Variants in CADPS observed in about 807,000 individuals in gnomAD.
CADPS encodes the protein calcium-dependent secretion activator 1.
CADPS carries 57 observed loss-of-function variants against 167.3 expected under a neutral mutation model. That is an observed-to-expected ratio of 0.34 (90% CI 0.28 to 0.42). The LOEUF is 0.42. Among genes scored for constraint, CADPS ranks in the 20% least tolerant of loss-of-function variants. CADPS has a pLI of 1.00. For synonymous variants in CADPS, 676 were observed against 635.3 expected, an observed-to-expected ratio of 1.06 and a Z score of -0.96; for missense variants, 1,414 against 1,738.1, an observed-to-expected ratio of 0.81 and a Z score of 3.32.
intron 6 of CADPS, among the ~76,000 whole-genome samples, chr3:62,616,129 CA>C (rs1205466480): frequency 1.6e-4 from 24 of 152,302 alleles, no homozygotes; most frequent in African/African-American, 5.8e-4. Flanking sequence ...CTCCATCAAT[CA>C]TCGAAGAAAA....
At chr3:62,667,827 A>C (rs968876229) in intron 3 of CADPS, among the ~76,000 whole-genome samples, 37 of 151,928 alleles carry the variant, frequency 2.4e-4, no homozygotes, top group African/African-American at 8.7e-4. Context: ...AAGCAATCCC[A>C]CTATGCAAAT....
At chr3:62,729,441 G>C (rs186809335) in intron 3 of CADPS, among the ~76,000 whole-genome samples, 2 of 151,802 alleles carry the variant, frequency 1.3e-5, no homozygotes, top group Non-Finnish European at 2.9e-5. Flanking sequence ...CCCATAATGA[G>C]AGAAGGTGGT....
At chr3:62,716,917 C>T (rs1421464348) in intron 3 of CADPS, among the ~76,000 whole-genome samples, 4 of 152,106 alleles carry the variant, frequency 2.6e-5, no homozygotes, top group Non-Finnish European at 5.9e-5. Flanking sequence ...TTCATAAGAT[C>T]AACGTTAGGA....
intron 1 of CADPS, among the ~76,000 whole-genome samples, chr3:62,791,918 A>C (rs1214505967): frequency 6.6e-6 from 1 of 152,198 alleles, no homozygotes; most frequent in African/African-American, 2.4e-5. Flanking sequence ...GCATGTACCC[A>C]ATAAATTGTC....
intron 18 of CADPS, among the ~76,000 whole-genome samples, chr3:62,496,473 T>C (rs2064824502): frequency 6.6e-6 from 1 of 152,254 alleles, no homozygotes; most frequent in African/African-American, 2.4e-5. Flanking sequence ...GTTCATTTGG[T>C]ACTTTCCACA....
At chr3:62,739,112 C>T (rs868723197) in intron 3 of CADPS, among the ~76,000 whole-genome samples, 1 of 152,138 alleles carries the variant, frequency 6.6e-6, no homozygotes. Flanking sequence ...ACTTCCTTTG[C>T]CAATAGAATA....
chr3:62,562,910 T>C (rs1235340336), intron 9 of CADPS, among the ~76,000 whole-genome samples: 4 of 152,318 alleles, frequency 2.6e-5, no homozygotes, highest in African/African-American at 4.8e-5. Flanking sequence ...ACTGGAACAA[T>C]TGTTAAAGAA....
At chr3:62,727,691 C>T (rs139017270) in intron 3 of CADPS, among the ~76,000 whole-genome samples, 31 of 150,136 alleles carry the variant, frequency 2.1e-4, no homozygotes, top group Middle Eastern at 3.4e-3. Context: ...CCATGGGAGG[C>T]CTCTTATAAC....
At chr3:62,467,242 C>T in intron 24 of CADPS, 1 of 930,234 alleles carries the variant, frequency 1.1e-6, no homozygotes. Context: ...CCCATATTTC[C>T]CTAACAAAAA....
intron 1 of CADPS, among the ~76,000 whole-genome samples, chr3:62,841,235 A>G (rs1050996349): frequency 3.3e-5 from 5 of 152,038 alleles, no homozygotes; most frequent in African/African-American, 1.2e-4. Flanking sequence ...AAGAGAAGAA[A>G]ACTCTTTAGT....
chr3:62,849,490 T>C (rs1445527605), intron 1 of CADPS, among the ~76,000 whole-genome samples: 268 of 108,320 alleles, frequency 2.5e-3, no homozygotes, highest in Middle Eastern at 8.2e-3. Context: ...GCATGAAGGG[T>C]TGTTGAATTT....
At chr3:62,686,556 G>C (rs1033142457) in intron 3 of CADPS, among the ~76,000 whole-genome samples, 2 of 152,006 alleles carry the variant, frequency 1.3e-5, no homozygotes, top group African/African-American at 2.4e-5. Context: ...GATGATATAA[G>C]ATAAAAATAT....
chr3:62,659,826 C>G (rs888522499), intron 4 of CADPS, among the ~76,000 whole-genome samples: 3 of 152,156 alleles, frequency 2.0e-5, no homozygotes, highest in Non-Finnish European at 4.4e-5. Flanking sequence ...CTGGCATGAA[C>G]GAACATTGCA....
chr3:62,865,448 G>C (rs1378845331), intron 1 of CADPS, among the ~76,000 whole-genome samples: 5 of 144,180 alleles, frequency 3.5e-5, no homozygotes, highest in African/African-American at 1.0e-4. Flanking sequence ...TTACTGCACA[G>C]AAGTAATTCT....
At chr3:62,692,186 C>CAT (rs1322071767) in intron 3 of CADPS, among the ~76,000 whole-genome samples, 3 of 151,744 alleles carry the variant, frequency 2.0e-5, no homozygotes, top group Admixed American at 1.3e-4. Flanking sequence ...TATCTATATA[C>CAT]ATATATATAG....
intron 21 of CADPS, among the ~76,000 whole-genome samples, chr3:62,490,306 AAAAG>A (rs369297471): frequency 0.037 from 5,631 of 152,062 alleles, 129 homozygotes; most frequent in Non-Finnish European, 0.056. Flanking sequence ...TTTCCTTAAA[AAAAG>A]AAAGAAAGAA....
intron 3 of CADPS, among the ~76,000 whole-genome samples, chr3:62,703,328 TC>T (rs1378587033): frequency 2.0e-5 from 3 of 152,154 alleles, no homozygotes; most frequent in African/African-American, 7.2e-5. Flanking sequence ...AGTCACTTAA[TC>T]CAGGGAGGGA....
chr3:62,524,332 G>T (rs965159042), intron 13 of CADPS, among the ~76,000 whole-genome samples: 1 of 152,084 alleles, frequency 6.6e-6, no homozygotes, highest in African/African-American at 2.4e-5. Flanking sequence ...CATAGTTACT[G>T]CTTCATTATG....
At chr3:62,650,712 C>T (rs73842982) in intron 5 of CADPS, 135 bp downstream of exon 5, 20 of 641,200 alleles carry the variant, frequency 3.1e-5, no homozygotes, top group African/African-American at 3.1e-4. Context: ...GATTAGCTGA[C>T]CTAAGCTTAG....
Sources: allele counts gnomAD v4.1 joint callset (sites outside exome capture counted in the v4.1 genomes callset), GRCh38; gene constraint gnomAD v4.1.1; transcripts MANE v1.5; gene names NCBI Gene and HGNC (gene_info 2026-07-23, HGNC 2026-07-21).